NCOA7: variants seen among roughly 807,000 people sequenced by gnomAD.
The protein encoded by NCOA7 is 140 kDa estrogen receptor-associated protein.
In NCOA7, 45 loss-of-function variants were observed where a neutral mutation model predicts 104.3. The observed-to-expected ratio is 0.43, with a 90% CI of 0.34 to 0.55. NCOA7 has a LOEUF of 0.55. Ranked by LOEUF, NCOA7 falls within the 20% of genes least tolerant of loss-of-function variation. The pLI is 0.02. For synonymous variants in NCOA7, 398 were observed against 402.3 expected, an observed-to-expected ratio of 0.99 and a Z score of 0.13; for missense variants, 1,041 against 1,119.7, an observed-to-expected ratio of 0.93 and a Z score of 1.00.
At chr6:125,928,387 C>A in intron 15 of NCOA7, 140 bp downstream of exon 15, 1 of 831,960 alleles carries the variant, frequency 1.2e-6, no homozygotes. Context: ...AGGACAGAGG[C>A]TAACACAGAA....
At chr6:125,835,812 G>T (rs936732877) in intron 2 of NCOA7, among the ~76,000 whole-genome samples, 1 of 152,210 alleles carries the variant, frequency 6.6e-6, no homozygotes, top group African/African-American at 2.4e-5. Flanking sequence ...AGATTGTAGG[G>T]AGGCCATTGA....
At chr6:125,859,399 AG>A (rs1212235514) in intron 3 of NCOA7, among the ~76,000 whole-genome samples, 1 of 152,266 alleles carries the variant, frequency 6.6e-6, no homozygotes, top group Non-Finnish European at 1.5e-5. Context: ...TACAGGTATC[AG>A]AAGAATCTGC....
chr6:125,913,275 AT>A (rs1786754957), intron 10 of NCOA7, among the ~76,000 whole-genome samples: 1 of 151,918 alleles, frequency 6.6e-6, no homozygotes, highest in Admixed American at 6.6e-5. Flanking sequence ...AAGAGTGGGT[AT>A]TGCAGTATCA....
At position 125,890,749 on chromosome 6, in the gene NCOA7, G is replaced by A; in HGVS notation, c.2035G>A (p.Val679Ile). Reference sequence around the variant, plus strand: ...CTTTGCCACTCACACTGCAGCCATGGTCCAGCAGTACGGCAAACGGAGAAA... The same window carrying A: ...CTTTGCCACTCACACTGCAGCCATGATCCAGCAGTACGGCAAACGGAGAAA... ...KSFATHTAAM[V>I]QQYGKRRKQP... The change falls in exon 10 of 16, where the codon GTC becomes ATC. Residue 679 changes from valine to isoleucine, a missense_variant. Val to Ile is a conservative substitution (Grantham distance 29, BLOSUM62 3). This residue lies in a region of NCOA7 where 914 missense variants were observed against 942.7 expected (regional missense o/e 0.97). Coordinates refer to ENST00000392477, the MANE Select transcript of NCOA7 (RefSeq NM_181782.5). 3 of 1,613,664 alleles carry A rather than the reference G, an allele frequency of 1.9e-6. No individual in the cohort carries two copies. In the South Asian group the frequency reaches 3.3e-5, roughly 18 times the overall value.
chr6:125,840,193 A>G (rs1268163948), intron 2 of NCOA7, among the ~76,000 whole-genome samples: 2 of 152,100 alleles, frequency 1.3e-5, no homozygotes. Context: ...AGTAAAACAA[A>G]AAAGTTAAAA....
chr6:125,922,602 A>G, intron 12 of NCOA7, 80 bp from the exon 13 acceptor site: 1 of 1,509,982 alleles, frequency 6.6e-7, no homozygotes, highest in Non-Finnish European at 9.0e-7. Context: ...TTTGAATAAC[A>G]GGCATTTGTT....
At chr6:125,872,023 CA>C (rs1782969033) in intron 3 of NCOA7, among the ~76,000 whole-genome samples, 1 of 146,280 alleles carries the variant, frequency 6.8e-6, no homozygotes, top group Non-Finnish European at 1.5e-5. Context: ...AAAAAAGACA[CA>C]AGACATTTAA....
rs978660558 is a variant in NCOA7, at chr6:125,823,331, G to C, written c.50+7927G>C. Among the ~76,000 whole-genome samples, 14 of 151,966 alleles carry C rather than the reference G, an allele frequency of 9.2e-5. 1 individual carries two copies. ...AGTTTCTTTAATGTAGGATATAAAT[G>C]GTTTGTGAATTTTAATTTTTATCAC... On this transcript the variant is annotated intron_variant, in intron 2 of 15. Coordinates refer to ENST00000392477, the MANE Select transcript of NCOA7 (RefSeq NM_181782.5).
chr6:125,878,443 C>G (rs1783559727), intron 5 of NCOA7, 73 bp downstream of exon 5: 2 of 962,738 alleles, frequency 2.1e-6, no homozygotes, highest in African/African-American at 3.3e-5. Flanking sequence ...CAGTGCCTCA[C>G]TATTGTTTGT....
intron 2 of NCOA7, among the ~76,000 whole-genome samples, chr6:125,825,169 C>G (rs1186582405): frequency 7.6e-6 from 1 of 131,264 alleles, no homozygotes; most frequent in Non-Finnish European, 1.6e-5. Context: ...GAGACCCTGT[C>G]TCTACAAAAA....
chr6:125,903,623 A>T (rs1426585339), intron 10 of NCOA7, among the ~76,000 whole-genome samples: 1 of 151,766 alleles, frequency 6.6e-6, no homozygotes, highest in East Asian at 1.9e-4. Flanking sequence ...TTAAATAGTA[A>T]TTTTTTTTAC....
intron 3 of NCOA7, among the ~76,000 whole-genome samples, chr6:125,874,522 A>G (rs1206746435): frequency 1.3e-5 from 2 of 152,168 alleles, no homozygotes; most frequent in African/African-American, 2.4e-5. Context: ...TTCTATGGCT[A>G]TTGTTACATA....
chr6:125,899,996 A>C (rs749753049), intron 10 of NCOA7: 1 of 533,052 alleles, frequency 1.9e-6, no homozygotes, highest in African/African-American at 1.9e-5. Flanking sequence ...ATCCCTGCCA[A>C]TGGGTGCTGC....
At chr6:125,881,445 G>C (rs935068033) in intron 6 of NCOA7, among the ~76,000 whole-genome samples, 2 of 152,110 alleles carry the variant, frequency 1.3e-5, no homozygotes, top group African/African-American at 4.8e-5. Context: ...CGAGGCAGAA[G>C]GATTGCCTGA....
At chr6:125,891,708 A>G (rs971969100) in intron 10 of NCOA7, among the ~76,000 whole-genome samples, 4 of 152,194 alleles carry the variant, frequency 2.6e-5, no homozygotes, top group Non-Finnish European at 5.9e-5. Flanking sequence ...ACTACCTAGA[A>G]TGATCATTCT....
intron 10 of NCOA7, among the ~76,000 whole-genome samples, chr6:125,911,895 G>A (rs1786595751): frequency 6.6e-6 from 1 of 152,136 alleles, no homozygotes; most frequent in South Asian, 2.1e-4. Context: ...AAAAACACAA[G>A]CATACCCTCT....
chr6:125,905,598 A>G (rs1237525177), intron 10 of NCOA7, among the ~76,000 whole-genome samples: 1 of 152,168 alleles, frequency 6.6e-6, no homozygotes, highest in Non-Finnish European at 1.5e-5. Context: ...CTTCCAGAAA[A>G]TACCGGAGCC....
chr6:125,911,666 T>C (rs186103156), intron 10 of NCOA7, among the ~76,000 whole-genome samples: 6 of 152,286 alleles, frequency 3.9e-5, no homozygotes, highest in African/African-American at 9.6e-5. Context: ...CCTGCCTAAT[T>C]ATTAGGGTCT....
chr6:125,798,390 A>C (rs551247429), intron 1 of NCOA7, among the ~76,000 whole-genome samples: 1 of 152,346 alleles, frequency 6.6e-6, no homozygotes, highest in South Asian at 2.1e-4. Flanking sequence ...TCTACCTCCT[A>C]CATTGTACAG....
Sources: allele counts gnomAD v4.1 joint callset (sites outside exome capture counted in the v4.1 genomes callset), GRCh38; gene constraint gnomAD v4.1.1; regional missense constraint gnomAD v4.1.1; transcripts MANE v1.5; gene names NCBI Gene and HGNC (gene_info 2026-07-23, HGNC 2026-07-21).